CMC1: variants seen among roughly 807,000 people sequenced by gnomAD.
CMC1 encodes COX assembly mitochondrial protein homolog.
In CMC1, 14 loss-of-function variants were observed where a neutral mutation model predicts 14.1. That is an observed-to-expected ratio of 0.99 (90% CI 0.66 to 1.55). CMC1 has a LOEUF of 1.55. CMC1 is among the 40% of genes most tolerant of loss of function. CMC1 has a pLI of 0.00. For synonymous variants in CMC1, 50 were observed against 38.4 expected (o/e 1.30, Z -1.12); for missense variants, 127 against 123.8 (o/e 1.03, Z -0.12).
At chr3:28,265,092 G>T (rs563718605) in intron 2 of CMC1, among the ~76,000 whole-genome samples, 1 of 152,174 alleles carries the variant, frequency 6.6e-6, no homozygotes, top group Admixed American at 6.5e-5. Flanking sequence ...AGTTGTTTAG[G>T]ATGTTGACGT....
At chr3:28,308,203 T>C (rs1473814487) in intron 2 of CMC1, among the ~76,000 whole-genome samples, 1 of 152,106 alleles carries the variant, frequency 6.6e-6, no homozygotes, top group Non-Finnish European at 1.5e-5. Flanking sequence ...TTGGGGACTA[T>C]TATGCTACCT....
chr3:28,309,692 A>G (rs1209263923), intron 2 of CMC1, among the ~76,000 whole-genome samples: 2 of 152,084 alleles, frequency 1.3e-5, no homozygotes, highest in African/African-American at 2.4e-5. Flanking sequence ...AGAAGAAAAC[A>G]TGATCTTGTC....
chr3:28,243,512 C>T lies in CMC1; in HGVS notation c.19+1700C>T, dbSNP rs188904283. Among the ~76,000 whole-genome samples the T allele has an allele frequency of 3.7e-3, 571 of 152,348 alleles. 8 individuals carry two copies. The highest frequency in any genetic ancestry group is 0.013 in the African/African-American group (541 of 41,576). On this transcript the variant is annotated intron_variant, in intron 1 of 3. Transcript: ENST00000466830. ...AAAGTCTTCATACTTGCTCTCTTCA[C>T]TTGCTTACCTTCCAGTTACTCATAA...
intron 1 of CMC1, among the ~76,000 whole-genome samples, chr3:28,261,947 C>T (rs948973767): frequency 1.3e-5 from 2 of 152,156 alleles, no homozygotes; most frequent in South Asian, 2.1e-4. Context: ...AAACCCGTGT[C>T]GTTCAAGGAT....
chr3:28,243,430 G>A (rs1166684508), intron 1 of CMC1, among the ~76,000 whole-genome samples: 3 of 152,128 alleles, frequency 2.0e-5, no homozygotes, highest in Admixed American at 6.6e-5. Context: ...GAATGAGAGA[G>A]GTTAAAGATT....
intron 1 of CMC1, among the ~76,000 whole-genome samples, chr3:28,251,064 C>T (rs957808882): frequency 2.0e-5 from 3 of 152,144 alleles, no homozygotes; most frequent in Admixed American, 1.3e-4. Flanking sequence ...CTTCCCTTGT[C>T]TCAGTTTGTT....
chr3:28,289,027 A>G (rs1420833798), intron 2 of CMC1, among the ~76,000 whole-genome samples: 1 of 151,482 alleles, frequency 6.6e-6, no homozygotes, highest in Admixed American at 6.6e-5. Flanking sequence ...AATCAGGTCT[A>G]TTTGTATCAT....
chr3:28,255,296 A>T (rs1307654268), intron 1 of CMC1, among the ~76,000 whole-genome samples: 1 of 145,402 alleles, frequency 6.9e-6, no homozygotes, highest in African/African-American at 2.6e-5. Context: ...GCTGGAGTGC[A>T]GTGGCATGAT....
Position 28,294,353 on chromosome 3 carries a change from G to A in CMC1, c.110-21980G>A, listed in dbSNP as rs140509844. On this transcript the variant is annotated intron_variant, in intron 2 of 3. Coordinates refer to ENST00000466830, the MANE Select transcript of CMC1 (RefSeq NM_182523.2). ...GAATAGGCTTCTAAAGTTGCGAATT[G>A]TATTATTGTTAAGTAGCAAAATTTG... 2.0e-3 allele frequency: 445 copies of A among 225,976 alleles called. 3 individuals carry two copies. Among genetic ancestry groups the A allele is most frequent in the African/African-American group, 9.6e-3 (413 of 42,898 alleles). The allele number at this position is 225,976 out of a possible 1,614,324, so 14.0% of individuals were successfully genotyped here.
intron 2 of CMC1, chr3:28,316,086 A>G (rs188874220): frequency 6.1e-4 from 174 of 285,686 alleles, no homozygotes; most frequent in African/African-American, 3.6e-3. Flanking sequence ...TATTTATACA[A>G]AGTGAATATC....
intron 2 of CMC1, among the ~76,000 whole-genome samples, chr3:28,306,615 G>A (rs1458743721): frequency 6.6e-6 from 1 of 151,498 alleles, no homozygotes; most frequent in African/African-American, 2.4e-5. Context: ...ATAATTGTTG[G>A]TGAACTACTT....
In CMC1 at chr3:28,315,588, C is replaced by A. The variant is rs536260283; in HGVS notation, c.110-745C>A. ...GACAACAGATACCAATGTCTGGAAA[C>A]AATTCCCTTTCAAAGGAAGAGTCAA... On this transcript the variant is annotated intron_variant, in intron 2 of 3. Coordinates refer to ENST00000466830, the MANE Select transcript of CMC1 (RefSeq NM_182523.2). Among the ~76,000 whole-genome samples, 3 of 152,266 alleles carry A rather than the reference C, an allele frequency of 2.0e-5. No homozygotes were observed. The South Asian group carries it at 6.2e-4, about 32-fold the overall frequency.
intron 1 of CMC1, among the ~76,000 whole-genome samples, chr3:28,245,873 G>C (rs4680747): frequency 0.61 from 93,098 of 152,070 alleles, 28,890 homozygotes; most frequent in East Asian, 0.71. Context: ...AGTTAGACAT[G>C]TAAACAAACT....
chr3:28,274,212 G>GTTTTTGTTTTTTTTT (rs1700446994), intron 2 of CMC1, among the ~76,000 whole-genome samples: 1 of 88,200 alleles, frequency 1.1e-5, no homozygotes, highest in Non-Finnish European at 2.2e-5. Flanking sequence ...AAGTGTTTTT[G>GTTTTTGTTTTTTTTT]TTTTTTTCTT....
intron 2 of CMC1, chr3:28,316,038 A>G (rs900323921): frequency 1.0e-5 from 2 of 199,350 alleles, no homozygotes; most frequent in African/African-American, 4.6e-5. Flanking sequence ...CTTGCCCTTC[A>G]TCTCAGAAGT....
intron 2 of CMC1, among the ~76,000 whole-genome samples, chr3:28,304,015 C>A (rs895980255): frequency 6.6e-6 from 1 of 152,068 alleles, no homozygotes; most frequent in Non-Finnish European, 1.5e-5. Flanking sequence ...GTAGCCAAAT[C>A]ATCATCAGCC....
intron 1 of CMC1, chr3:28,253,674 G>C (rs1227217609): frequency 2.1e-6 from 2 of 937,122 alleles, no homozygotes; most frequent in Admixed American, 2.6e-5. Flanking sequence ...AGAAACTATT[G>C]CTAATGAGAA....
Position 28,241,746 on chromosome 3 carries a change from G to C in CMC1, c.-48G>C, listed in dbSNP as rs767089133. ...GCCCCTCCCCTCCACTCCCCTTCCTGCGTGCCCCGGAGCCGCCAAGCGGCT... is the reference window on the plus strand; with the variant it reads ...GCCCCTCCCCTCCACTCCCCTTCCTCCGTGCCCCGGAGCCGCCAAGCGGCT... On this transcript the variant is annotated 5_prime_UTR_variant, in exon 1 of 4. Transcript: ENST00000466830. The C allele has an allele frequency of 4.0e-6, 5 of 1,241,670 alleles. No homozygotes were observed. Among genetic ancestry groups the C allele is most frequent in the Admixed American group, 4.2e-5 (1 of 23,712 alleles). The allele number at this position is 1,241,670 out of a possible 1,614,324, so 76.9% of individuals were successfully genotyped here. A position where few individuals can be genotyped will look rare whatever the true frequency, so the allele number is the denominator to read the frequency against.
Position 28,319,696 on chromosome 3 carries a change from T to A in CMC1, c.*67T>A. 1 of 1,277,450 alleles carries A rather than the reference T, an allele frequency of 7.8e-7. No individual in the cohort carries two copies. The highest frequency in any genetic ancestry group is 1.1e-6 in the Non-Finnish European group (1 of 917,268). The allele number at this position is 1,277,450 out of a possible 1,614,324, so 79.1% of individuals were successfully genotyped here. ...AAGTCATTTTATAGTCCTTAAATAA[T>A]GGACTCAAGCATATATGTTTGCTTT... On this transcript the variant is annotated 3_prime_UTR_variant, in exon 4 of 4. Coordinates refer to ENST00000466830, the MANE Select transcript of CMC1 (RefSeq NM_182523.2).
Sources: gnomAD v4.1 joint callset for allele counts (sites outside exome capture counted in the v4.1 genomes callset) on GRCh38, gnomAD v4.1.1 for gene constraint, MANE v1.5 for transcripts, NCBI Gene and HGNC (gene_info 2026-07-23, HGNC 2026-07-21) for gene names.